MOB3A: variants seen among roughly 807,000 people sequenced by gnomAD.
MOB3A encodes MOB LAK.
In MOB3A, 17 loss-of-function variants were observed where a neutral mutation model predicts 17.8. The ratio of observed to expected loss-of-function variants is 0.95; its 90% CI spans 0.65 to 1.43. The LOEUF (loss-of-function observed/expected upper bound fraction) is 1.43. Among genes scored for constraint, MOB3A ranks in the 40% most tolerant of loss-of-function variants. MOB3A has a pLI of 0.00. For synonymous variants in MOB3A, 124 were observed against 133.2 expected (o/e 0.93, Z 0.48); for missense variants, 333 against 310.8 (o/e 1.07, Z -0.54).
At chr19:2,079,254 G>A (rs2017456384) in intron 2 of MOB3A, among the ~76,000 whole-genome samples, 1 of 152,238 alleles carries the variant, frequency 6.6e-6, no homozygotes, top group African/African-American at 2.4e-5. Context: ...TAGACTTGCT[G>A]CTACCCAGCA....
chr19:2,095,013 G>A (rs1297093886), intron 1 of MOB3A, among the ~76,000 whole-genome samples: 1 of 152,054 alleles, frequency 6.6e-6, no homozygotes, highest in African/African-American at 2.4e-5. Flanking sequence ...TCTACTAAAA[G>A]TACAAAAATT....
chr19:2,089,474 A>G (rs2017588926), intron 1 of MOB3A, among the ~76,000 whole-genome samples: 1 of 152,118 alleles, frequency 6.6e-6, no homozygotes, highest in Admixed American at 6.5e-5. Flanking sequence ...CACCCACTCC[A>G]TGCCAGGAGC....
chr19:2,087,570 G>A (rs1402451206), intron 1 of MOB3A, among the ~76,000 whole-genome samples: 2 of 152,210 alleles, frequency 1.3e-5, no homozygotes, highest in African/African-American at 4.8e-5. Context: ...TGGGAGGATT[G>A]CTTGAGCCCA....
chr19:2,082,926 CCTCAGCCTCCTGA>C lies in MOB3A; in HGVS notation c.-120+2236_-120+2248del, dbSNP rs2017507197. Among the ~76,000 whole-genome samples the C allele has an allele frequency of 1.3e-5, 2 of 152,234 alleles. No individual in the cohort carries two copies. Among genetic ancestry groups the C allele is most frequent in the African/African-American group, 4.8e-5 (2 of 41,458 alleles). On this transcript the variant is annotated intron_variant, in intron 2 of 4. Coordinates refer to ENST00000357066, the MANE Select transcript of MOB3A (RefSeq NM_130807.3). The surrounding 1 kb of genome is among the most constrained non-coding windows in gnomAD (Gnocchi z 4.1). ...CCTCCTAGCTCAAGGGATCCTCCTG[CCTCAGCCTCCTGA>C]GTAGCTGGGACCACGGGCACTCACT...
At chr19:2,084,007 A>G (rs908497785) in intron 2 of MOB3A, 1 of 354,622 alleles carries the variant, frequency 2.8e-6, no homozygotes. Flanking sequence ...CCTGGTCTCA[A>G]GTGATCCTCC....
intron 1 of MOB3A, among the ~76,000 whole-genome samples, chr19:2,090,343 G>T (rs563781529): frequency 1.1e-4 from 16 of 152,264 alleles, no homozygotes; most frequent in African/African-American, 3.6e-4. Flanking sequence ...AGAGGATGTT[G>T]GCGGGCTGAG....
chr19:2,095,618 G>A (rs1230078324), intron 1 of MOB3A, among the ~76,000 whole-genome samples: 1 of 151,984 alleles, frequency 6.6e-6, no homozygotes, highest in Non-Finnish European at 1.5e-5. Flanking sequence ...ATCCCCCTCC[G>A]GGGTAATCGG....
At chr19:2,080,835 C>T (rs935409474) in intron 2 of MOB3A, among the ~76,000 whole-genome samples, 3 of 152,088 alleles carry the variant, frequency 2.0e-5, no homozygotes, top group African/African-American at 7.2e-5. Context: ...GGGAATGGAT[C>T]CTGCAGGGCT....
At chr19:2,094,874 G>A (rs560678237) in intron 1 of MOB3A, among the ~76,000 whole-genome samples, 2 of 152,314 alleles carry the variant, frequency 1.3e-5, no homozygotes, top group South Asian at 4.1e-4. Context: ...AAGCAAGTGC[G>A]AAAAAAGCAG....
chr19:2,084,278 A>AG (rs1268613596), intron 2 of MOB3A: 3 of 408,738 alleles, frequency 7.3e-6, no homozygotes, highest in African/African-American at 6.3e-5. Flanking sequence ...GGATCACTTG[A>AG]GGTCAGGAGT....
chr19:2,089,645 T>C (rs958387764), intron 1 of MOB3A, among the ~76,000 whole-genome samples: 1 of 152,028 alleles, frequency 6.6e-6, no homozygotes, highest in Non-Finnish European at 1.5e-5. Context: ...CCCAGGAGGC[T>C]ACACACATTG....
At chr19:2,077,351 G>A (rs754942210) in intron 3 of MOB3A, among the ~76,000 whole-genome samples, 1 of 151,874 alleles carries the variant, frequency 6.6e-6, no homozygotes, top group East Asian at 1.9e-4. Flanking sequence ...GAAGTGAGCC[G>A]AGATCGTGCC....
At chr19:2,075,534 C>A (rs1230985094) in intron 4 of MOB3A, among the ~76,000 whole-genome samples, 1 of 152,096 alleles carries the variant, frequency 6.6e-6, no homozygotes, top group Non-Finnish European at 1.5e-5. Context: ...CTGGTGGGGT[C>A]CCGCTCTCAC....
chr19:2,079,636 G>A (rs765723872), intron 2 of MOB3A, among the ~76,000 whole-genome samples: 10 of 152,226 alleles, frequency 6.6e-5, no homozygotes, highest in African/African-American at 9.6e-5. Context: ...TCTCAGACGT[G>A]CAGCCCCAGA....
rs1050376430 is a variant in MOB3A at position 2,076,065 on chromosome 19, G to C, written c.624+746C>G. On this transcript the variant is annotated intron_variant, in intron 4 of 4. Coordinates refer to ENST00000357066, the MANE Select transcript of MOB3A (RefSeq NM_130807.3). The stretch of plus-strand genomic sequence containing the variant: ...TTGAACCCGGAAGGTGGGGGTTGCA[G>C]TAAGCCAAGATGGCGCCACTGCACT... Among the ~76,000 whole-genome samples, 3 of 141,160 alleles carry C rather than the reference G, an allele frequency of 2.1e-5. No individual in the cohort carries two copies. The Admixed American group carries it at 2.3e-4, about 11-fold the overall frequency. The allele number at this position is 141,160 out of a possible 152,430, so 92.6% of individuals were successfully genotyped here.
chr19:2,072,393 A>G lies in MOB3A; in HGVS notation c.*1002T>C, dbSNP rs2017349504. ...GAGGTGGAGGATGCAGTGAGCCGAG[A>G]TTGTGCCACTGGACTCCAGTCTGGG... On this transcript the variant is annotated 3_prime_UTR_variant, in exon 5 of 5. Transcript: ENST00000357066. 6.6e-6 allele frequency: 1 copy of G among 152,110 alleles called. No individual in the cohort carries two copies. Among genetic ancestry groups the G allele is most frequent in the African/African-American group, 2.4e-5 (1 of 41,376 alleles). 9.4% of individuals were successfully genotyped at this position (152,110 alleles called of 1,614,324 possible). A position where few individuals can be genotyped will look rare whatever the true frequency, so the allele number is the denominator to read the frequency against.
chr19:2,092,002 A>G (rs2017618987), intron 1 of MOB3A, among the ~76,000 whole-genome samples: 3 of 147,848 alleles, frequency 2.0e-5, no homozygotes, highest in Non-Finnish European at 3.0e-5. Flanking sequence ...TCTGTAACAG[A>G]AAAAAAAAAG....
intron 1 of MOB3A, among the ~76,000 whole-genome samples, chr19:2,095,509 C>T (rs2144946488): frequency 6.6e-6 from 1 of 152,316 alleles, no homozygotes; most frequent in Middle Eastern, 3.4e-3. Flanking sequence ...ATCCTGAAGC[C>T]CTGCAGAATT....
In MOB3A at chr19:2,093,636, C is replaced by T. The variant is rs944338058; in HGVS notation, c.-274+2590G>A. On this transcript the variant is annotated intron_variant, in intron 1 of 4. Coordinates refer to ENST00000357066, the MANE Select transcript of MOB3A (RefSeq NM_130807.3). The surrounding 1 kb of genome is among the most constrained non-coding windows in gnomAD (Gnocchi z 4.6). ...TGCTGGGATTACAGGTATGAGCCAC[C>T]CGCACCTGGCCAGCACATCCCAATT... 6.6e-6 allele frequency among the ~76,000 whole-genome samples: 1 copy of T among 152,146 alleles called. No individual in the cohort carries two copies. Among genetic ancestry groups the T allele is most frequent in the South Asian group, 2.1e-4 (1 of 4,826 alleles).
Sources: allele counts gnomAD v4.1 joint callset (sites outside exome capture counted in the v4.1 genomes callset), GRCh38; gene constraint gnomAD v4.1.1; non-coding constraint Gnocchi (gnomAD v3.1); transcripts MANE v1.5; gene names NCBI Gene and HGNC (gene_info 2026-07-23, HGNC 2026-07-21).